Variants in PCBP3 observed in about 807,000 individuals in gnomAD.
PCBP3 encodes poly(rC) binding protein 3, also known as poly(rC)-binding protein 3.
A neutral mutation model predicts 52.7 loss-of-function variants in PCBP3; 25 were observed. That is an observed-to-expected ratio of 0.47 (90% confidence interval 0.35 to 0.66). The LOEUF is 0.66. Ranked by LOEUF, PCBP3 falls within the 30% of genes least tolerant of loss-of-function variation. The pLI is 0.01. For missense variants in PCBP3, 391 were observed against 490.3 expected (o/e 0.80, Z 1.91); for synonymous variants, 162 against 183.0 (o/e 0.89, Z 0.93).
intron 12 of PCBP3, chr21:45,916,694 C>A: frequency 6.6e-6 from 1 of 152,302 alleles, no homozygotes; most frequent in Non-Finnish European, 1.5e-5. Context: ...GGGGCCCGCA[C>A]AGCCAGGGGC....
intron 3 of PCBP3, chr21:45,750,389 G>A (rs1002899426): frequency 4.5e-5 from 5 of 110,464 alleles, no homozygotes; most frequent in Admixed American, 4.0e-4. Flanking sequence ...CACCTGCTGG[G>A]AGCAGACCCC....
chr21:45,863,774 G>T (rs1403193817), intron 5 of PCBP3, among the ~76,000 whole-genome samples: 2 of 152,214 alleles, frequency 1.3e-5, no homozygotes, highest in African/African-American at 4.8e-5. Flanking sequence ...GGGATTGAGG[G>T]CCCTGGGTGA....
chr21:45,921,057 G>A (rs4819169), intron 13 of PCBP3, among the ~76,000 whole-genome samples: 62,441 of 152,030 alleles, frequency 0.41, 13,629 homozygotes, highest in African/African-American at 0.55. Flanking sequence ...TTTCTTGCAG[G>A]CGTGTAAAAT....
chr21:45,695,571 T>C (rs1390111121), intron 2 of PCBP3, among the ~76,000 whole-genome samples: 1 of 152,224 alleles, frequency 6.6e-6, no homozygotes, highest in Admixed American at 6.5e-5. Flanking sequence ...CTTAGGACTT[T>C]CCTTTACTGG....
intron 13 of PCBP3, among the ~76,000 whole-genome samples, chr21:45,921,078 G>A (rs2074364662): frequency 6.6e-6 from 1 of 152,080 alleles, no homozygotes; most frequent in African/African-American, 2.4e-5. Flanking sequence ...TGAAGACTTG[G>A]ACAATCACTT....
chr21:45,842,362 A>G (rs1324403755), intron 4 of PCBP3, among the ~76,000 whole-genome samples: 2 of 152,174 alleles, frequency 1.3e-5, no homozygotes, highest in African/African-American at 4.8e-5. Flanking sequence ...TTGTAGGGAT[A>G]TTGAGATTGT....
chr21:45,819,516 G>T (rs999771348), intron 4 of PCBP3, among the ~76,000 whole-genome samples: 4 of 152,238 alleles, frequency 2.6e-5, no homozygotes, highest in African/African-American at 4.8e-5. Flanking sequence ...CTGCCGTTGG[G>T]CACCCCAAGG....
intron 4 of PCBP3, among the ~76,000 whole-genome samples, chr21:45,775,962 T>C (rs2090222326): frequency 6.6e-6 from 1 of 152,234 alleles, no homozygotes; most frequent in African/African-American, 2.4e-5. Flanking sequence ...TTTTTTCAGG[T>C]AGGCATTTAT....
chr21:45,896,223 C>T lies in PCBP3; in HGVS notation c.26C>T (p.Ala9Val). The change falls in exon 6 of 18, where the codon GCC becomes GTC. Residue 9 changes from alanine (A) to valine (V), a missense_variant. By Grantham distance (64) the Ala-to-Val change is moderately conservative. Coordinates refer to ENST00000681687, the MANE Select transcript of PCBP3 (RefSeq NM_001384156.1). The part of the protein sequence containing the change: MGEGDAFW[A>V]PSVLPHSTLS... ...CTCTCTCCAGGTGACGCCTTCTGGGCCCCATCTGTCCTTCCTCACAGCACC... is the reference window on the plus strand; with the variant it reads ...CTCTCTCCAGGTGACGCCTTCTGGGTCCCATCTGTCCTTCCTCACAGCACC... 1 of 1,551,862 alleles carries T rather than the reference C, an allele frequency of 6.4e-7. No individual in the cohort carries two copies. Among genetic ancestry groups the T allele is most frequent in the Non-Finnish European group, 8.7e-7 (1 of 1,147,074 alleles).
Position 45,896,225 on chromosome 21 carries a change from C to T in PCBP3, c.28C>T (p.Pro10Ser), listed in dbSNP as rs1238890262. 1 of 1,551,936 alleles carries T rather than the reference C, an allele frequency of 6.4e-7. No individual in the cohort carries two copies. The highest frequency in any genetic ancestry group is 1.2e-5 in the South Asian group (1 of 84,040). The change falls in exon 6 of 18, where the codon CCA becomes TCA. Residue 10 changes from proline to serine, a missense_variant. By Grantham distance (74) the Pro-to-Ser change is moderately conservative. Transcript: ENST00000681687. ...CTCTCCAGGTGACGCCTTCTGGGCCCCATCTGTCCTTCCTCACAGCACCCT... is the reference window on the plus strand; with the variant it reads ...CTCTCCAGGTGACGCCTTCTGGGCCTCATCTGTCCTTCCTCACAGCACCCT... MGEGDAFWAPSVLPHSTLST... is the reference protein window; with the variant it reads MGEGDAFWASSVLPHSTLST...
chr21:45,791,245 G>A lies in PCBP3; in HGVS notation c.-126+35793G>A, dbSNP rs2091537695. On this transcript the variant is annotated intron_variant, in intron 4 of 17. Coordinates refer to ENST00000681687, the MANE Select transcript of PCBP3 (RefSeq NM_001384156.1). This position sits in a 1 kb window ranked among gnomAD's most constrained non-coding sequence, Gnocchi z 4.2. ...GCATATTTATATGTTTTTGATGTAC[G>A]ATAAAAGGCAGTTTCATATGGGTCA... 1.3e-5 allele frequency among the ~76,000 whole-genome samples: 2 copies of A among 152,180 alleles called. No homozygotes were observed. The highest frequency in any genetic ancestry group is 1.5e-5 in the Non-Finnish European group (1 of 68,032).
chr21:45,867,643 GGAAATCTCC>G (rs2094799624), intron 5 of PCBP3, among the ~76,000 whole-genome samples: 1 of 152,278 alleles, frequency 6.6e-6, no homozygotes. Context: ...GAGAGAGAAG[GGAAATCTCC>G]AGGCTCGCTG....
intron 4 of PCBP3, among the ~76,000 whole-genome samples, chr21:45,810,242 G>GTT (rs1013656750): frequency 6.6e-6 from 1 of 151,402 alleles, no homozygotes; most frequent in African/African-American, 2.4e-5. Flanking sequence ...GTGTGTGTGT[G>GTT]TGTGAGAGAG....
chr21:45,793,708 C>G (rs2146452832), intron 4 of PCBP3, among the ~76,000 whole-genome samples: 1 of 152,288 alleles, frequency 6.6e-6, no homozygotes, highest in East Asian at 1.9e-4. Flanking sequence ...CCCTGCAAAG[C>G]TCTGGCTGGT....
chr21:45,800,704 C>T lies in PCBP3; in HGVS notation c.-126+45252C>T, dbSNP rs1257769579. Among the ~76,000 whole-genome samples, 1 of 152,232 alleles carries T rather than the reference C, an allele frequency of 6.6e-6. No homozygotes were observed. The highest frequency in any genetic ancestry group is 6.5e-5 in the Admixed American group (1 of 15,284). On this transcript the variant is annotated intron_variant, in intron 4 of 17. Transcript: ENST00000681687. The surrounding 1 kb of genome is among the most constrained non-coding windows in gnomAD (Gnocchi z 5.3). ...CCTCCTGAGCCTGGGTGAGGTGGCC[C>T]TCCCACCTGGGCCATGTGCCTCACT...
intron 3 of PCBP3, among the ~76,000 whole-genome samples, 154 bp from the exon 4 acceptor site, chr21:45,755,263 G>A (rs2087922471): frequency 1.3e-5 from 2 of 152,070 alleles, no homozygotes; most frequent in Admixed American, 1.3e-4. Flanking sequence ...TCATATTGTT[G>A]CTGAATAATT....
At chr21:45,854,622 T>A (rs1375744012) in intron 5 of PCBP3, among the ~76,000 whole-genome samples, 1 of 152,244 alleles carries the variant, frequency 6.6e-6, no homozygotes, top group Non-Finnish European at 1.5e-5. Flanking sequence ...GATATCCTGT[T>A]GTATGTAAAG....
At chr21:45,667,075 G>GTTCTTTCTTTCTTTCTTTCCTTCTTTCT (rs1555900589) in intron 1 of PCBP3, among the ~76,000 whole-genome samples, 10 of 147,666 alleles carry the variant, frequency 6.8e-5, no homozygotes, top group African/African-American at 1.5e-4. Flanking sequence ...GCATCTGTTT[G>GTTCTTTCTTTCTTTCTTTCCTTCTTTCT]TTCTTTCTTT....
At position 45,930,770 on chromosome 21, in the gene PCBP3, C is replaced by G. The variant is rs1569507756; in HGVS notation, c.797-16C>G. Reference sequence around the variant, plus strand: ...TGAGGGCAAAACATTAAACCTGTCTCTTCTTTGCTCTCCAGGAGAAAAGCT... The same window carrying G: ...TGAGGGCAAAACATTAAACCTGTCTGTTCTTTGCTCTCCAGGAGAAAAGCT... On this transcript the variant is annotated splice_polypyrimidine_tract_variant and intron_variant, in intron 14 of 17. Coordinates refer to ENST00000681687, the MANE Select transcript of PCBP3 (RefSeq NM_001384156.1). 1.2e-5 allele frequency: 13 copies of G among 1,125,664 alleles called. No homozygotes were observed. Among genetic ancestry groups the G allele is most frequent in the Non-Finnish European group, 1.8e-5 (13 of 734,142 alleles). The allele number at this position is 1,125,664 out of a possible 1,614,324, so 69.7% of individuals were successfully genotyped here.
Sources: allele counts gnomAD v4.1 joint callset (sites outside exome capture counted in the v4.1 genomes callset), GRCh38; gene constraint gnomAD v4.1.1; non-coding constraint Gnocchi (gnomAD v3.1); transcripts MANE v1.5; gene names NCBI Gene and HGNC (gene_info 2026-07-23, HGNC 2026-07-21).